The following SANBR variants were observed in gnomAD, a reference collection of about 807,000 sequenced individuals.
SANBR encodes the protein SANT and BTB domain regulator of class switch recombination.
A neutral mutation model predicts 101.8 loss-of-function variants in SANBR; 77 were observed. The observed-to-expected ratio is 0.76, with a 90% CI of 0.63 to 0.91. The LOEUF (loss-of-function observed/expected upper bound fraction) is 0.91. SANBR is among the 40% of genes least tolerant of loss of function. The pLI, the probability that SANBR is intolerant of heterozygous loss-of-function variation, is 0.00. For synonymous variants in SANBR, 279 were observed against 274.7 expected (o/e 1.02, Z -0.15); for missense variants, 875 against 853.0 (o/e 1.03, Z -0.32).
chr2:61,089,187 C>G (rs1000355034), intron 10 of SANBR: 1 of 985,080 alleles, frequency 1.0e-6, no homozygotes, highest in African/African-American at 1.7e-5. Context: ...TTTCTGTCAT[C>G]TATTTGTTCT....
At chr2:61,104,376 G>A (rs1231181002) in intron 13 of SANBR, among the ~76,000 whole-genome samples, 1 of 152,022 alleles carries the variant, frequency 6.6e-6, no homozygotes, top group Non-Finnish European at 1.5e-5. Flanking sequence ...CAGCTACTTG[G>A]GAGGCTGAGG....
intron 11 of SANBR, among the ~76,000 whole-genome samples, chr2:61,094,931 C>G (rs1057351641): frequency 1.3e-5 from 2 of 152,192 alleles, no homozygotes; most frequent in Non-Finnish European, 2.9e-5. Context: ...AGGCCTGAGC[C>G]ACTGCGCCCG....
chr2:61,072,913 A>G (rs991815802), intron 4 of SANBR, among the ~76,000 whole-genome samples: 1 of 132,828 alleles, frequency 7.5e-6, no homozygotes, highest in Admixed American at 9.1e-5. Flanking sequence ...GCTGGTCTTG[A>G]ACTCCTGAGC....
intron 11 of SANBR, among the ~76,000 whole-genome samples, chr2:61,095,145 G>C (rs1028279438): frequency 1.4e-4 from 21 of 152,142 alleles, no homozygotes; most frequent in African/African-American, 5.1e-4. Flanking sequence ...GGTGTGTAAA[G>C]GTCCTCCTCA....
At chr2:61,088,312 T>G (rs1281653737) in intron 9 of SANBR, 46 bp from the exon 10 acceptor site, 1 of 1,571,404 alleles carries the variant, frequency 6.4e-7, no homozygotes, top group South Asian at 1.2e-5. Context: ...TTTACTACAT[T>G]TACATTCTTC....
intron 20 of SANBR, chr2:61,134,122 T>A: frequency 6.2e-7 from 1 of 1,614,030 alleles, no homozygotes; most frequent in Non-Finnish European, 8.5e-7. Context: ...AGTGTTATTA[T>A]CTGCTTTTTT....
At chr2:61,071,267 A>G (rs1008586767) in intron 3 of SANBR, among the ~76,000 whole-genome samples, 1 of 152,078 alleles carries the variant, frequency 6.6e-6, no homozygotes, top group Non-Finnish European at 1.5e-5. Flanking sequence ...AAATTCCCAA[A>G]CCGCTGGGCA....
At chr2:61,136,738 G>A (rs1293356767) in intron 21 of SANBR, among the ~76,000 whole-genome samples, 1 of 151,796 alleles carries the variant, frequency 6.6e-6, no homozygotes, top group Non-Finnish European at 1.5e-5. Context: ...TTGGGAGGCC[G>A]AGGTGGGTGG....
chr2:61,067,280 T>G (rs529408299), intron 1 of SANBR, among the ~76,000 whole-genome samples: 1 of 152,210 alleles, frequency 6.6e-6, no homozygotes, highest in African/African-American at 2.4e-5. Flanking sequence ...TAGCATAAAT[T>G]AGTATCACAT....
Position 61,081,434 on chromosome 2 carries a change from A to ATTTT in SANBR, c.671-6_671-3dup. On this transcript the variant is annotated splice_polypyrimidine_tract_variant and intron_variant, in intron 6 of 21. Transcript: ENST00000402291. Reference sequence around the variant, plus strand: ...GGGTACCCATCAAAAGGGTAATCTAATTTTTTTTTTTTTTTAGAGCCAGGA... The same window carrying ATTTT: ...GGGTACCCATCAAAAGGGTAATCTAATTTTTTTTTTTTTTTTTTTAGAGCCAGGA... 11 of 1,452,346 alleles carry ATTTT rather than the reference A, an allele frequency of 7.6e-6. No homozygotes were observed. Among genetic ancestry groups the ATTTT allele is most frequent in the Admixed American group, 6.7e-5 (3 of 45,032 alleles). The allele number at this position is 1,452,346 out of a possible 1,614,324, so 90.0% of individuals were successfully genotyped here.
At chr2:61,134,341 A>G (rs1684781968) in intron 21 of SANBR, 2 of 1,451,518 alleles carry the variant, frequency 1.4e-6, no homozygotes, top group South Asian at 1.4e-5. Flanking sequence ...AAATAACTGT[A>G]TTGTGCTTAT....
chr2:61,128,467 C>A (rs1181611223), downstream of SANBR, among the ~76,000 whole-genome samples: 2 of 151,830 alleles, frequency 1.3e-5, no homozygotes, highest in Non-Finnish European at 1.5e-5. Flanking sequence ...CCAGCCTGGC[C>A]AACATAGGGA....
chr2:61,086,804 T>C (rs1682456484), intron 8 of SANBR, among the ~76,000 whole-genome samples: 1 of 152,160 alleles, frequency 6.6e-6, no homozygotes, highest in Non-Finnish European at 1.5e-5. Context: ...GAATGATCCA[T>C]TAGGAATAAA....
intron 11 of SANBR, among the ~76,000 whole-genome samples, chr2:61,093,029 A>C (rs1023425522): frequency 9.9e-5 from 15 of 151,852 alleles, no homozygotes; most frequent in African/African-American, 3.4e-4. Flanking sequence ...GCTATTCGGG[A>C]GGCTGAGGCA....
chr2:61,104,316 A>G (rs962771924), intron 13 of SANBR, among the ~76,000 whole-genome samples: 2 of 151,950 alleles, frequency 1.3e-5, no homozygotes, highest in Non-Finnish European at 2.9e-5. Flanking sequence ...CCCCATCTCT[A>G]CTAAAACTAC....
At chr2:61,104,318 T>TAA (rs1334373680) in intron 13 of SANBR, among the ~76,000 whole-genome samples, 2 of 151,750 alleles carry the variant, frequency 1.3e-5, no homozygotes, top group Non-Finnish European at 2.9e-5. Context: ...CCATCTCTAC[T>TAA]AAAACTACAA....
At chr2:61,081,733 C>T (rs1682141249) in intron 7 of SANBR, among the ~76,000 whole-genome samples, 3 of 152,212 alleles carry the variant, frequency 2.0e-5, no homozygotes, top group South Asian at 2.1e-4. Flanking sequence ...ACTGCAACCT[C>T]TGCTTCCCCA....
At chr2:61,079,574 A>G (rs909057394) in intron 6 of SANBR, among the ~76,000 whole-genome samples, 1 of 152,258 alleles carries the variant, frequency 6.6e-6, no homozygotes, top group East Asian at 1.9e-4. Flanking sequence ...AATTTCAGCC[A>G]GAATCCAGAG....
chr2:61,108,408 G>C, intron 15 of SANBR, 59 bp downstream of exon 15: 2 of 1,119,106 alleles, frequency 1.8e-6, no homozygotes, highest in South Asian at 1.5e-5. Context: ...TTAAAGTTTA[G>C]TTTAATAGAA....
Sources: allele counts gnomAD v4.1 joint callset (sites outside exome capture counted in the v4.1 genomes callset), GRCh38; gene constraint gnomAD v4.1.1; transcripts MANE v1.5; gene names NCBI Gene and HGNC (gene_info 2026-07-23, HGNC 2026-07-21).